The following CAMK2G variants were observed in gnomAD, a reference collection of about 807,000 sequenced individuals.
CAMK2G encodes the protein calcium/calmodulin-dependent protein kinase type II subunit gamma.
A neutral mutation model predicts 88.7 loss-of-function variants in CAMK2G; 23 were observed. The ratio of observed to expected loss-of-function variants is 0.26; its 90% confidence interval spans 0.19 to 0.37. The LOEUF (loss-of-function observed/expected upper bound fraction) is 0.37, where lower values mean the gene tolerates loss of function less well. Among genes scored for constraint, CAMK2G ranks in the 10% least tolerant of loss-of-function variants. CAMK2G has a pLI of 1.00. For missense variants in CAMK2G, 476 were observed against 780.8 expected (o/e 0.61, Z 4.65); for synonymous variants, 263 against 294.8 (o/e 0.89, Z 1.11).
chr10:73,820,901 T>C (rs1458571445), intron 18 of CAMK2G, among the ~76,000 whole-genome samples: 2 of 152,044 alleles, frequency 1.3e-5, no homozygotes, highest in East Asian at 3.9e-4. Flanking sequence ...CTTGAACTTC[T>C]GACCTTCAGG....
At chr10:73,847,444 C>T in intron 9 of CAMK2G, 97 bp from the exon 10 acceptor site, 2 of 1,317,820 alleles carry the variant, frequency 1.5e-6, no homozygotes, top group South Asian at 2.6e-5. Flanking sequence ...AATTGGGATA[C>T]TCTGTGGTAC....
At chr10:73,828,155 G>A in intron 14 of CAMK2G, 34 bp from the exon 15 acceptor site, 1 of 1,580,946 alleles carries the variant, frequency 6.3e-7, no homozygotes, top group South Asian at 1.1e-5. Context: ...AAAGAGAAGG[G>A]GAAAGAGGAG....
At position 73,821,764 on chromosome 10, in the gene CAMK2G, C is replaced by G. The variant is rs750592046; in HGVS notation, c.1201-34G>C. The G allele has an allele frequency of 2.5e-6, 4 of 1,576,526 alleles. No individual in the cohort carries two copies. The East Asian group carries it at 8.9e-5, about 35-fold the overall frequency. ...CAAAAAGAACATGTTTCTATATGCTCCATCCCTTGGAAGCCAGAGGAGCAA... is the reference window on the plus strand; with the variant it reads ...CAAAAAGAACATGTTTCTATATGCTGCATCCCTTGGAAGCCAGAGGAGCAA... On this transcript the variant is annotated intron_variant, in intron 17 of 22. Coordinates refer to ENST00000423381, the MANE Select transcript of CAMK2G (RefSeq NM_001367534.1).
intron 1 of CAMK2G, chr10:73,873,357 C>T: frequency 7.5e-6 from 10 of 1,325,936 alleles, no homozygotes; most frequent in Non-Finnish European, 8.7e-6. Flanking sequence ...GGCTGCACAT[C>T]AGGAGCGGGT....
intron 15 of CAMK2G, 148 bp from the exon 16 acceptor site, chr10:73,825,495 C>A: frequency 1.5e-6 from 1 of 650,498 alleles, no homozygotes; most frequent in Non-Finnish European, 2.8e-6. Flanking sequence ...GGAGCGATGG[C>A]TAGAGAGATG....
At chr10:73,873,201 A>G in intron 1 of CAMK2G, 118 bp from the exon 2 acceptor site, 1 of 959,188 alleles carries the variant, frequency 1.0e-6, no homozygotes, top group Non-Finnish European at 1.7e-6. Flanking sequence ...ACTCACGTAC[A>G]TGCACACACA....
At chr10:73,819,759 G>T (rs905496673) in intron 18 of CAMK2G, 114 bp from the exon 19 acceptor site, 2 of 640,880 alleles carry the variant, frequency 3.1e-6, no homozygotes, top group Admixed American at 6.1e-5. Flanking sequence ...CTGCAGAGCC[G>T]GGGCAAGGGG....
intron 2 of CAMK2G, among the ~76,000 whole-genome samples, chr10:73,861,939 A>G (rs943281617): frequency 3.3e-5 from 5 of 152,190 alleles, no homozygotes; most frequent in African/African-American, 1.2e-4. Context: ...TATGATGCCC[A>G]TTTTATAGAA....
intron 19 of CAMK2G, 24 bp downstream of exon 19, chr10:73,819,508 A>C: frequency 6.7e-7 from 1 of 1,491,684 alleles, no homozygotes; most frequent in Non-Finnish European, 9.1e-7. Flanking sequence ...GACGGAAGCC[A>C]GAATGTGCCT....
rs188720856 is a variant in CAMK2G at position 73,839,815 on chromosome 10, G to T, written c.947-214C>A. On this transcript the variant is annotated intron_variant, in intron 12 of 22. Transcript: ENST00000423381. This position sits in a 1 kb window ranked among gnomAD's most constrained non-coding sequence, Gnocchi z 4.2. Reference sequence around the variant, plus strand: ...AGACCGGGCTGGGCCAGGGCATAGGGAACACTGCGTCCCCACCAGATGGAG... The same window carrying T: ...AGACCGGGCTGGGCCAGGGCATAGGTAACACTGCGTCCCCACCAGATGGAG... Among the ~76,000 whole-genome samples the T allele has an allele frequency of 7.2e-5, 11 of 152,304 alleles. No homozygotes were observed. The East Asian group carries it at 1.9e-3, about 27-fold the overall frequency.
intron 16 of CAMK2G, 139 bp downstream of exon 16, chr10:73,825,140 C>T (rs894438765): frequency 1.0e-5 from 7 of 703,122 alleles, no homozygotes; most frequent in South Asian, 1.6e-5. Flanking sequence ...GCATACAGGG[C>T]GGCACACAAA....
intron 14 of CAMK2G, 44 bp from the exon 15 acceptor site, chr10:73,828,165 G>T: frequency 3.2e-6 from 5 of 1,546,576 alleles, no homozygotes; most frequent in Non-Finnish European, 3.6e-6. Context: ...GGAAAGAGGA[G>T]GTAAGAAGAG....
intron 14 of CAMK2G, among the ~76,000 whole-genome samples, chr10:73,833,909 GTTTTT>G (rs778838628): frequency 1.3e-4 from 8 of 63,392 alleles, no homozygotes; most frequent in South Asian, 7.7e-4. Context: ...TATCTACTGG[GTTTTT>G]TTTTTTTTTT....
At chr10:73,846,367 GA>G (rs2094241843) in intron 10 of CAMK2G, 1 of 152,190 alleles carries the variant, frequency 6.6e-6, no homozygotes, top group Non-Finnish European at 1.5e-5. Context: ...TATTTGCCAA[GA>G]ACAAGCACAG....
chr10:73,852,052 G>T (rs1200031863), intron 5 of CAMK2G, among the ~76,000 whole-genome samples: 1 of 152,156 alleles, frequency 6.6e-6, no homozygotes, highest in Non-Finnish European at 1.5e-5. Flanking sequence ...TGGTTAGGAA[G>T]TGCTGAATTT....
chr10:73,824,063 G>T lies in CAMK2G; in HGVS notation c.1177C>A (p.His393Asn). 1 of 1,613,480 alleles carries T rather than the reference G, an allele frequency of 6.2e-7. No homozygotes were observed. The highest frequency in any genetic ancestry group is 8.5e-7 in the Non-Finnish European group (1 of 1,179,440). ...ACCTTGATCCCATCTGTAGCGTTGT[G>T]TACCACAGTGGTTTGTGGCTCCTGT... is the stretch of plus-strand genomic sequence containing the variant. Reference protein sequence around the residue: ...TAMEPQTTVVHNATDGIKGST... With the variant: ...TAMEPQTTVVNNATDGIKGST... The change falls in exon 17 of 23, where the codon CAC (histidine) becomes AAC (asparagine). Residue 393 changes from histidine to asparagine, a missense_variant. By Grantham distance (68) the His-to-Asn change is moderately conservative. Coordinates refer to ENST00000423381, the MANE Select transcript of CAMK2G (RefSeq NM_001367534.1).
At chr10:73,865,116 C>T (rs1050923435) in intron 2 of CAMK2G, among the ~76,000 whole-genome samples, 2 of 152,228 alleles carry the variant, frequency 1.3e-5, no homozygotes, top group African/African-American at 2.4e-5. Flanking sequence ...ACCAGAGACA[C>T]TGTGAATGGG....
At position 73,837,445 on chromosome 10, in the gene CAMK2G, G is replaced by A. The variant is rs760989993; in HGVS notation, c.1053+23C>T. The stretch of plus-strand genomic sequence containing the variant: ...ACTGCGGGGAGAAAGAGGCCAGTCT[G>A]TTCAGAGGCTGGAGACACTTACCTT... On this transcript the variant is annotated intron_variant, in intron 14 of 22. Coordinates refer to ENST00000423381, the MANE Select transcript of CAMK2G (RefSeq NM_001367534.1). 5.0e-6 allele frequency: 8 copies of A among 1,597,520 alleles called. No homozygotes were observed. The East Asian group carries it at 1.6e-4, about 31-fold the overall frequency.
chr10:73,865,056 G>A (rs2095535908), intron 2 of CAMK2G, among the ~76,000 whole-genome samples: 1 of 152,234 alleles, frequency 6.6e-6, no homozygotes, highest in Non-Finnish European at 1.5e-5. Context: ...CAAGGGCCCA[G>A]TGAGAAGCTT....
Sources: allele counts gnomAD v4.1 joint callset (sites outside exome capture counted in the v4.1 genomes callset), GRCh38; gene constraint gnomAD v4.1.1; non-coding constraint Gnocchi (gnomAD v3.1); transcripts MANE v1.5; gene names NCBI Gene and HGNC (gene_info 2026-07-23, HGNC 2026-07-21).